The following MED13L variants were observed in gnomAD, a reference collection of about 807,000 sequenced individuals.
MED13L encodes the protein mediator complex subunit 13L.
A neutral mutation model predicts 220.9 loss-of-function variants in MED13L; 7 were observed. That is an observed-to-expected ratio of 0.03 (90% CI 0.02 to 0.06). The LOEUF (loss-of-function observed/expected upper bound fraction) is 0.06. Among genes scored for constraint, MED13L ranks in the 10% least tolerant of loss-of-function variants. The pLI is 1.00. For missense variants in MED13L, 1,965 were observed against 2,760.5 expected, an observed-to-expected ratio of 0.71 and a Z score of 6.46; for synonymous variants, 1,011 against 1,015.2, an observed-to-expected ratio of 1.00 and a Z score of 0.08.
intron 2 of MED13L, among the ~76,000 whole-genome samples, chr12:116,126,748 C>T (rs1294024097): frequency 6.6e-6 from 1 of 152,192 alleles, no homozygotes. Context: ...TCTTTACTTT[C>T]TTTGAGATTC....
chr12:116,034,861 C>G (rs1881078185), intron 4 of MED13L, among the ~76,000 whole-genome samples: 1 of 152,100 alleles, frequency 6.6e-6, no homozygotes, highest in African/African-American at 2.4e-5. Flanking sequence ...CAAAAATTAG[C>G]CAGGCGTGGT....
chr12:115,993,968 G>A (rs147065202), intron 16 of MED13L, among the ~76,000 whole-genome samples: 1 of 152,162 alleles, frequency 6.6e-6, no homozygotes, highest in Non-Finnish European at 1.5e-5. Context: ...GGCGAGCAGA[G>A]ACCACAGCAG....
intron 4 of MED13L, among the ~76,000 whole-genome samples, chr12:116,023,008 C>T (rs903251656): frequency 3.9e-5 from 6 of 152,112 alleles, no homozygotes; most frequent in African/African-American, 1.4e-4. Flanking sequence ...TTTAAAGTGG[C>T]CCACTGACCC....
At chr12:116,129,955 C>T (rs1314362737) in intron 2 of MED13L, among the ~76,000 whole-genome samples, 1 of 151,388 alleles carries the variant, frequency 6.6e-6, no homozygotes, top group African/African-American at 2.4e-5. Flanking sequence ...ATGAAATGAT[C>T]AGCACATATC....
At chr12:116,062,488 GTTTT>G (rs56251325) in intron 4 of MED13L, among the ~76,000 whole-genome samples, 8 of 97,370 alleles carry the variant, frequency 8.2e-5, no homozygotes, top group African/African-American at 3.4e-4. Flanking sequence ...CTCTCTCTGT[GTTTT>G]TTTTTTTTTT....
At chr12:116,268,215 G>A (rs1408431414) in intron 1 of MED13L, among the ~76,000 whole-genome samples, 2 of 152,160 alleles carry the variant, frequency 1.3e-5, no homozygotes, top group Admixed American at 6.5e-5. Flanking sequence ...GCCTGTGGTG[G>A]TCAGAGGAGG....
intron 14 of MED13L, among the ~76,000 whole-genome samples, chr12:116,001,910 C>T (rs1162705214): frequency 6.6e-6 from 1 of 152,182 alleles, no homozygotes; most frequent in Non-Finnish European, 1.5e-5. Context: ...AGTGAAAAGC[C>T]TTGGCTGAGT....
At chr12:116,124,698 G>A (rs534155782) in intron 2 of MED13L, among the ~76,000 whole-genome samples, 40 of 152,238 alleles carry the variant, frequency 2.6e-4, no homozygotes, top group South Asian at 1.7e-3. Flanking sequence ...CCTGCACCTG[G>A]TGAAGGTTTT....
intron 2 of MED13L, among the ~76,000 whole-genome samples, chr12:116,114,282 T>G (rs895673030): frequency 2.0e-5 from 3 of 152,224 alleles, no homozygotes; most frequent in Admixed American, 6.5e-5. Context: ...AAACTCCCTC[T>G]AATTATTCTC....
At chr12:115,992,018 A>T in intron 16 of MED13L, 61 bp from the exon 17 acceptor site, 1 of 1,385,666 alleles carries the variant, frequency 7.2e-7, no homozygotes, top group Non-Finnish European at 1.0e-6. Context: ...TGAACTAGAC[A>T]CATGATCACC....
chr12:116,071,409 T>A (rs1199535768), intron 4 of MED13L, among the ~76,000 whole-genome samples: 1 of 152,204 alleles, frequency 6.6e-6, no homozygotes, highest in African/African-American at 2.4e-5. Context: ...CTCCACTTGC[T>A]TTTGTTGTTG....
chr12:116,119,831 AAAAAAAAATAT>A (rs1345977017), intron 2 of MED13L, among the ~76,000 whole-genome samples: 1 of 117,244 alleles, frequency 8.5e-6, no homozygotes, highest in Non-Finnish European at 1.8e-5. Context: ...AAAAAAAAAA[AAAAAAAAATAT>A]ATATATATAT....
At chr12:116,123,356 G>C (rs1009268104) in intron 2 of MED13L, among the ~76,000 whole-genome samples, 5 of 152,128 alleles carry the variant, frequency 3.3e-5, no homozygotes, top group Non-Finnish European at 7.3e-5. Flanking sequence ...GATAAATTTT[G>C]AGACGGAAAA....
intron 2 of MED13L, among the ~76,000 whole-genome samples, chr12:116,192,331 T>G (rs61935847): frequency 0.18 from 27,058 of 152,148 alleles, 3,019 homozygotes; most frequent in Non-Finnish European, 0.24. Context: ...TATATTTGTT[T>G]TGAAGAAAAA....
chr12:116,038,887 C>T (rs1419044726), intron 4 of MED13L, among the ~76,000 whole-genome samples: 1 of 151,252 alleles, frequency 6.6e-6, no homozygotes, highest in Non-Finnish European at 1.5e-5. Flanking sequence ...TTCCTCTATC[C>T]GTATTTCCTC....
chr12:115,983,037 T>C, intron 21 of MED13L, 80 bp downstream of exon 21: 2 of 1,467,640 alleles, frequency 1.4e-6, no homozygotes, highest in Non-Finnish European at 1.9e-6. Flanking sequence ...AATCATGAGG[T>C]CAAGGGAGAA....
chr12:116,179,201 T>C (rs1880305080), intron 2 of MED13L, among the ~76,000 whole-genome samples: 1 of 127,332 alleles, frequency 7.9e-6, no homozygotes, highest in Non-Finnish European at 1.7e-5. Flanking sequence ...ATTTGACGAT[T>C]TACGTGTGTG....
intron 2 of MED13L, among the ~76,000 whole-genome samples, chr12:116,133,717 A>G (rs1437743213): frequency 3.3e-5 from 5 of 152,200 alleles, no homozygotes; most frequent in Non-Finnish European, 5.9e-5. Flanking sequence ...CTGCCTCAAC[A>G]AACAAAATAT....
At chr12:116,230,331 C>G (rs1869437021) in intron 2 of MED13L, 1 of 233,472 alleles carries the variant, frequency 4.3e-6, no homozygotes, top group African/African-American at 2.3e-5. Context: ...ACCAGCGAGG[C>G]AGAGGCTGCC....
Sources: gnomAD v4.1 joint callset for allele counts (sites outside exome capture counted in the v4.1 genomes callset) on GRCh38, gnomAD v4.1.1 for gene constraint, MANE v1.5 for transcripts, NCBI Gene and HGNC (gene_info 2026-07-23, HGNC 2026-07-21) for gene names.